Variants in SLC2A2 observed in about 807,000 individuals in gnomAD.
The protein encoded by SLC2A2 is solute carrier family 2 member 2.
A neutral mutation model predicts 54.5 loss-of-function variants in SLC2A2; 36 were observed. That is an observed-to-expected ratio of 0.66 (90% CI 0.51 to 0.87). The LOEUF is 0.87. Among genes scored for constraint, SLC2A2 ranks in the 40% least tolerant of loss-of-function variants. SLC2A2 has a pLI of 0.00. For missense variants in SLC2A2, 543 were observed against 624.3 expected (o/e 0.87, Z 1.39); for synonymous variants, 223 against 219.1 (o/e 1.02, Z -0.16).
At position 170,997,957 on chromosome 3, in the gene SLC2A2, G is replaced by C. The variant is rs1715159447; in HGVS notation, c.1521C>G (p.His507Gln). The change falls in exon 11 of 11, where the codon CAC becomes CAG. Residue 507 changes from histidine to glutamine, a missense_variant. His to Gln is a conservative substitution (Grantham distance 24, BLOSUM62 0). Coordinates refer to ENST00000314251, the MANE Select transcript of SLC2A2 (RefSeq NM_000340.2). Reference sequence around the variant, plus strand: ...TCATTTCTACAGCAGCTTTTGGCCTGTGGGCTGAGCCACTCTTCTTTTGGA... The same window carrying C: ...TCATTTCTACAGCAGCTTTTGGCCTCTGGGCTGAGCCACTCTTCTTTTGGA... ...AEFQKKSGSAHRPKAAVEMKF... is the reference protein window; with the variant it reads ...AEFQKKSGSAQRPKAAVEMKF... The C allele has an allele frequency of 5.0e-6, 8 of 1,613,400 alleles. No homozygotes were observed. The South Asian group carries it at 7.7e-5, about 16-fold the overall frequency.
intron 7 of SLC2A2, among the ~76,000 whole-genome samples, chr3:171,003,893 G>A (rs1442655568): frequency 6.6e-6 from 1 of 151,988 alleles, no homozygotes; most frequent in East Asian, 1.9e-4. Flanking sequence ...ATGTATAAGA[G>A]GTCTAGTTGC....
Position 170,997,740 on chromosome 3 carries a change from A to T in SLC2A2, c.*163T>A. On this transcript the variant is annotated 3_prime_UTR_variant, in exon 11 of 11. Transcript: ENST00000314251. ...CCATCAAAAATATATTCTCTAACTT[A>T]AAAAAATACTTTTTTGGTAATATTT... 1.5e-6 allele frequency: 1 copy of T among 660,702 alleles called. No individual in the cohort carries two copies. The highest frequency in any genetic ancestry group is 1.9e-5 in the South Asian group (1 of 52,038). The allele number at this position is 660,702 out of a possible 1,614,324, so 40.9% of individuals were successfully genotyped here. A position where few individuals can be genotyped will look rare whatever the true frequency, so the allele number is the denominator to read the frequency against.
At chr3:171,013,965 G>A (rs1396955588) in intron 3 of SLC2A2, among the ~76,000 whole-genome samples, 1 of 152,236 alleles carries the variant, frequency 6.6e-6, no homozygotes, top group Non-Finnish European at 1.5e-5. Context: ...AGTACCAGCA[G>A]CCAGAAACCG....
At chr3:171,023,974 G>T (rs1195277118) in intron 1 of SLC2A2, among the ~76,000 whole-genome samples, 1 of 152,020 alleles carries the variant, frequency 6.6e-6, no homozygotes, top group Non-Finnish European at 1.5e-5. Flanking sequence ...TAAGCAAATG[G>T]CTGAACTTCA....
At chr3:171,013,818 C>A (rs1715998392) in intron 3 of SLC2A2, among the ~76,000 whole-genome samples, 1 of 152,148 alleles carries the variant, frequency 6.6e-6, no homozygotes, top group African/African-American at 2.4e-5. Flanking sequence ...CAGCTGTAGT[C>A]CATTGCATGA....
chr3:171,018,279 T>C (rs1716246146), intron 2 of SLC2A2, among the ~76,000 whole-genome samples: 1 of 152,194 alleles, frequency 6.6e-6, no homozygotes, highest in Non-Finnish European at 1.5e-5. Flanking sequence ...GCCTGGAGTT[T>C]TCTGTGAGCT....
intron 8 of SLC2A2, among the ~76,000 whole-genome samples, chr3:171,000,937 A>G (rs910116555): frequency 6.6e-6 from 1 of 152,056 alleles, no homozygotes; most frequent in African/African-American, 2.4e-5. Context: ...TCAAAAATTA[A>G]TATAATTAAA....
chr3:171,007,587 T>C (rs1715674424), intron 4 of SLC2A2: 1 of 337,280 alleles, frequency 3.0e-6, no homozygotes, highest in Non-Finnish European at 5.7e-6. Flanking sequence ...AGAAAAGAAA[T>C]TGAAGAATGT....
Position 171,006,096 on chromosome 3 carries a change from G to T in SLC2A2, c.622C>A (p.Leu208Ile). ...TCATAATTGCCCAAGATAAATTCAA[G>T]ACCAATAATCTGAAAATGCAAGGAG... ...TGILISQIIG[L>I]EFILGNYDLW... The change falls in exon 6 of 11, where the codon CTT becomes ATT. Residue 208 changes from leucine (L) to isoleucine (I), a missense_variant. Transcript: ENST00000314251. The T allele has an allele frequency of 6.2e-7, 1 of 1,611,956 alleles. No homozygotes were observed. Among genetic ancestry groups the T allele is most frequent in the South Asian group, 1.1e-5 (1 of 91,020 alleles).
At chr3:170,998,509 G>A in intron 9 of SLC2A2, 113 bp from the exon 10 acceptor site, 3 of 771,736 alleles carry the variant, frequency 3.9e-6, no homozygotes, top group Non-Finnish European at 4.5e-6. Flanking sequence ...AATGTATTTT[G>A]TTCAAGCAAG....
In SLC2A2 at chr3:171,019,620, C is replaced by T. The variant is rs182383032; in HGVS notation, c.16-997G>A. 4.1e-3 allele frequency among the ~76,000 whole-genome samples: 626 copies of T among 152,202 alleles called. 6 individuals are homozygous for T. The highest frequency in any genetic ancestry group is 0.014 in the African/African-American group (571 of 41,528). ...AAAATTGTAGAAAGAACCCAAATAT[C>T]GTTCAATGGGAAATAGTCAAATAGA... On this transcript the variant is annotated intron_variant, in intron 1 of 10. Coordinates refer to ENST00000314251, the MANE Select transcript of SLC2A2 (RefSeq NM_000340.2).
At chr3:171,018,682 C>T in intron 1 of SLC2A2, 59 bp from the exon 2 acceptor site, 1 of 1,169,752 alleles carries the variant, frequency 8.5e-7, no homozygotes, top group Non-Finnish European at 1.3e-6. Context: ...TCCCATCTTT[C>T]TGTCAGGCTG....
intron 8 of SLC2A2, among the ~76,000 whole-genome samples, chr3:171,000,975 A>G (rs1434408587): frequency 6.6e-6 from 1 of 152,028 alleles, no homozygotes; most frequent in African/African-American, 2.4e-5. Flanking sequence ...GTAGTCCTGG[A>G]GGCTTAATTA....
intron 2 of SLC2A2, among the ~76,000 whole-genome samples, chr3:171,017,401 G>A (rs776868905): frequency 1.3e-5 from 2 of 152,178 alleles, no homozygotes; most frequent in Admixed American, 6.5e-5. Context: ...ATCGGAGCAC[G>A]TCTTTCAGCA....
At chr3:170,998,464 G>C in intron 9 of SLC2A2, 68 bp from the exon 10 acceptor site, 5 of 1,262,812 alleles carry the variant, frequency 4.0e-6, no homozygotes, top group Non-Finnish European at 5.8e-6. Context: ...TAGCTAAGTA[G>C]CCTCTGAGTT....
chr3:171,009,912 GGTGTGTGTGTGTGTGTGTGTGTGTGT>G lies in SLC2A2; in HGVS notation c.496+20_496+45del. Reference sequence around the variant, plus strand: ...TTAGAGTTACTTTCAGACAAAGGTAGGTGTGTGTGTGTGTGTGTGTGTGTGTGTGTGTGTGTGTGACTTACCACAAT... The same window carrying G: ...TTAGAGTTACTTTCAGACAAAGGTAGGTGTGTGTGTGTGACTTACCACAAT... On this transcript the variant is annotated intron_variant, in intron 4 of 10. Coordinates refer to ENST00000314251, the MANE Select transcript of SLC2A2 (RefSeq NM_000340.2). The G allele has an allele frequency of 1.5e-6, 2 of 1,324,484 alleles. No homozygotes were observed. The highest frequency in any genetic ancestry group is 2.0e-6 in the Non-Finnish European group (2 of 997,078). The allele number at this position is 1,324,484 out of a possible 1,614,324, so 82.0% of individuals were successfully genotyped here. A position where few individuals can be genotyped will look rare whatever the true frequency, so the allele number is the denominator to read the frequency against.
chr3:171,007,572 TC>T, intron 4 of SLC2A2: 1 of 350,892 alleles, frequency 2.8e-6, no homozygotes, highest in Non-Finnish European at 5.4e-6. Context: ...CCTTAGGTTA[TC>T]TTCAGAAAAG....
chr3:170,999,863 C>T (rs540472566), intron 8 of SLC2A2, among the ~76,000 whole-genome samples: 2 of 152,206 alleles, frequency 1.3e-5, no homozygotes, highest in East Asian at 3.9e-4. Flanking sequence ...TGAGGAGATA[C>T]GTCATTGATT....
intron 3 of SLC2A2, among the ~76,000 whole-genome samples, chr3:171,010,791 G>A (rs1003416666): frequency 2.0e-5 from 3 of 151,996 alleles, no homozygotes; most frequent in African/African-American, 7.2e-5. Context: ...AGTGACCAAT[G>A]TAAAATACAT....
Sources: allele counts gnomAD v4.1 joint callset (sites outside exome capture counted in the v4.1 genomes callset), GRCh38; gene constraint gnomAD v4.1.1; transcripts MANE v1.5; gene names NCBI Gene and HGNC (gene_info 2026-07-23, HGNC 2026-07-21).